The following GDAP1 variants were observed in gnomAD, a reference collection of about 807,000 sequenced individuals.
GDAP1 encodes ganglioside induced differentiation associated protein 1.
A neutral mutation model predicts 40.1 loss-of-function variants in GDAP1; 34 were observed. That is an observed-to-expected ratio of 0.85 (90% CI 0.64 to 1.13). GDAP1 has a LOEUF of 1.13. Among genes scored for constraint, GDAP1 ranks in the 50% most tolerant of loss-of-function variants. The pLI, the probability that GDAP1 is intolerant of heterozygous loss-of-function variation, is 0.00. For missense variants in GDAP1, 374 were observed against 433.7 expected, an observed-to-expected ratio of 0.86 and a Z score of 1.22; for synonymous variants, 170 against 157.4, an observed-to-expected ratio of 1.08 and a Z score of -0.60.
chr8:74,417,056 C>T (rs528525665), intron 2 of GDAP1, among the ~76,000 whole-genome samples: 2 of 149,034 alleles, frequency 1.3e-5, no homozygotes, highest in African/African-American at 5.2e-5. Flanking sequence ...CTTCTTCTCC[C>T]CCTCATTCAC....
At position 74,396,085 on chromosome 8, in the gene GDAP1, A is replaced by C. The variant is rs1030727408; in HGVS notation, c.165+44764A>C. Among the ~76,000 whole-genome samples, 3 of 152,160 alleles carry C rather than the reference A, an allele frequency of 2.0e-5. No individual in the cohort carries two copies. The East Asian group carries it at 5.8e-4, about 29-fold the overall frequency. ...AAATTCCTTACTGTGTATCACAATC[A>C]AAAGAGTTTGAGAACCACTGCTTTA... On this transcript the variant is annotated intron_variant, in intron 2 of 2. Transcript: ENST00000523640.
At chr8:74,352,203 C>T (rs934731528) in intron 2 of GDAP1, among the ~76,000 whole-genome samples, 6 of 152,188 alleles carry the variant, frequency 3.9e-5, no homozygotes, top group African/African-American at 1.4e-4. Context: ...CTCCCATAAT[C>T]CTTGCCACTT....
chr8:74,363,215 C>G (rs1321338262), intron 5 of GDAP1, among the ~76,000 whole-genome samples, 162 bp downstream of exon 5: 2 of 152,038 alleles, frequency 1.3e-5, no homozygotes, highest in Non-Finnish European at 2.9e-5. Flanking sequence ...CCAGAAAAAC[C>G]CAGGTGTCTA....
At chr8:74,388,977 T>C (rs1019061430) in intron 2 of GDAP1, among the ~76,000 whole-genome samples, 1 of 152,222 alleles carries the variant, frequency 6.6e-6, no homozygotes, top group East Asian at 1.9e-4. Flanking sequence ...TTAAAGTCTG[T>C]TCTATCAGAG....
chr8:74,443,683 A>C (rs532469883), intron 2 of GDAP1, among the ~76,000 whole-genome samples: 1 of 152,160 alleles, frequency 6.6e-6, no homozygotes, highest in Non-Finnish European at 1.5e-5. Flanking sequence ...ATGATCCAGA[A>C]CCCGCTGATC....
At chr8:74,354,521 A>T (rs907915240) in intron 2 of GDAP1, among the ~76,000 whole-genome samples, 4 of 152,242 alleles carry the variant, frequency 2.6e-5, no homozygotes, top group Non-Finnish European at 5.9e-5. Context: ...AGCTTATAAA[A>T]TATTTCTTAT....
intron 2 of GDAP1, among the ~76,000 whole-genome samples, chr8:74,448,371 A>G (rs79763020): frequency 0.015 from 2,317 of 152,256 alleles, 40 homozygotes; most frequent in African/African-American, 0.036. Context: ...TGAATATGCC[A>G]CAATTTGCTA....
chr8:74,477,383 G>A (rs948617989), intron 2 of GDAP1, among the ~76,000 whole-genome samples: 1 of 152,082 alleles, frequency 6.6e-6, no homozygotes, highest in African/African-American at 2.4e-5. Flanking sequence ...TTTTTGAGTT[G>A]TCAGAGTTCT....
At chr8:74,362,001 G>GT (rs1470045080) in intron 4 of GDAP1, 23 bp downstream of exon 4, 1 of 1,176,290 alleles carries the variant, frequency 8.5e-7, no homozygotes, top group East Asian at 2.3e-5. Flanking sequence ...GCTGTCCTCA[G>GT]TTGACATACA....
chr8:74,397,521 A>G (rs575615734), intron 2 of GDAP1, among the ~76,000 whole-genome samples: 1 of 152,132 alleles, frequency 6.6e-6, no homozygotes, highest in Non-Finnish European at 1.5e-5. Context: ...TCCATCTTGA[A>G]TTAATTTTTG....
chr8:74,350,439 C>T lies in GDAP1; in HGVS notation c.-23C>T, dbSNP rs375636297. 3.5e-6 allele frequency: 5 copies of T among 1,443,762 alleles called. No individual in the cohort carries two copies. The highest frequency in any genetic ancestry group is 4.9e-6 in the Non-Finnish European group (5 of 1,027,668). 89.4% of individuals were successfully genotyped at this position (1,443,762 alleles called of 1,614,324 possible). ...AAGTCCAGGGCGGACAGGCTGGGCG[C>T]ACCCGTGCTCGCGCACCCCAAGATG... is the stretch of plus-strand genomic sequence containing the variant. On this transcript the variant is annotated 5_prime_UTR_variant, in exon 1 of 6. Coordinates refer to ENST00000220822, the MANE Select transcript of GDAP1 (RefSeq NM_018972.4).
intron 2 of GDAP1, among the ~76,000 whole-genome samples, chr8:74,438,476 T>C (rs890000501): frequency 1.3e-5 from 2 of 152,218 alleles, no homozygotes; most frequent in Admixed American, 1.3e-4. Context: ...TTCACTGTGG[T>C]TTTATTTAAT....
At chr8:74,355,983 T>C (rs1012997398) in intron 2 of GDAP1, among the ~76,000 whole-genome samples, 5 of 152,038 alleles carry the variant, frequency 3.3e-5, no homozygotes, top group African/African-American at 9.6e-5. Context: ...TCATCAAATG[T>C]AACATTTAAA....
intron 2 of GDAP1, among the ~76,000 whole-genome samples, chr8:74,389,198 T>C (rs1481355105): frequency 2.0e-5 from 3 of 152,206 alleles, no homozygotes; most frequent in Non-Finnish European, 2.9e-5. Flanking sequence ...AATATTGTTA[T>C]GTGTGAATTT....
intron 2 of GDAP1, among the ~76,000 whole-genome samples, chr8:74,424,134 A>G (rs1021682624): frequency 1.4e-4 from 21 of 152,130 alleles, no homozygotes; most frequent in African/African-American, 4.3e-4. Context: ...TAACCTATGT[A>G]TATGCTCCTG....
At chr8:74,362,860 T>G (rs567670511) in intron 4 of GDAP1, 79 bp from the exon 5 acceptor site, 20 of 718,466 alleles carry the variant, frequency 2.8e-5, no homozygotes, top group South Asian at 1.4e-4. Context: ...CTGTAAGAGT[T>G]TGTATCTGCT....
At chr8:74,478,228 G>A (rs1308056249) in intron 2 of GDAP1, among the ~76,000 whole-genome samples, 1 of 152,104 alleles carries the variant, frequency 6.6e-6, no homozygotes, top group Non-Finnish European at 1.5e-5. Flanking sequence ...CACACTGGCA[G>A]CAGTGACATG....
chr8:74,435,149 A>G (rs1806072877), intron 2 of GDAP1, among the ~76,000 whole-genome samples: 1 of 152,254 alleles, frequency 6.6e-6, no homozygotes, highest in Non-Finnish European at 1.5e-5. Flanking sequence ...GACTTCTTAG[A>G]AATCTTCTCT....
At chr8:74,483,290 C>T (rs1312403364) in intron 2 of GDAP1, among the ~76,000 whole-genome samples, 1 of 152,070 alleles carries the variant, frequency 6.6e-6, no homozygotes, top group Non-Finnish European at 1.5e-5. Context: ...CACACAATAA[C>T]AGTAGGCAGC....
Sources: allele counts gnomAD v4.1 joint callset (sites outside exome capture counted in the v4.1 genomes callset), GRCh38; gene constraint gnomAD v4.1.1; transcripts MANE v1.5; gene names NCBI Gene and HGNC (gene_info 2026-07-23, HGNC 2026-07-21).